DIAPH3: variants seen among roughly 807,000 people sequenced by gnomAD.
The protein encoded by DIAPH3 is diaphanous related formin 3.
Under a neutral mutation model 144.3 loss-of-function variants are expected in DIAPH3, and 117 were observed. The observed-to-expected ratio is 0.81, with a 90% CI of 0.70 to 0.95. DIAPH3 has a LOEUF of 0.95. Ranked by LOEUF, DIAPH3 falls within the 40% of genes least tolerant of loss-of-function variation. The probability of loss-of-function intolerance (pLI) is 0.00; values close to 1 mark genes in which losing one functional copy is unlikely to be tolerated. For missense variants in DIAPH3, 1,421 were observed against 1,412.7 expected, an observed-to-expected ratio of 1.01 and a Z score of -0.09; for synonymous variants, 519 against 488.9, an observed-to-expected ratio of 1.06 and a Z score of -0.81.
chr13:59,901,766 C>G (rs1450862299), intron 20 of DIAPH3, among the ~76,000 whole-genome samples: 1 of 152,098 alleles, frequency 6.6e-6, no homozygotes, highest in Non-Finnish European at 1.5e-5. Context: ...TACAGTCTAC[C>G]AATACAAACT....
At chr13:59,981,191 T>TA (rs768210316) in intron 13 of DIAPH3, among the ~76,000 whole-genome samples, 25 of 150,736 alleles carry the variant, frequency 1.7e-4, no homozygotes, top group Middle Eastern at 3.2e-3. Context: ...TAAACAAGCT[T>TA]AAAAAAAACA....
intron 17 of DIAPH3, among the ~76,000 whole-genome samples, chr13:59,960,409 A>C (rs1400027767): frequency 6.6e-6 from 1 of 152,194 alleles, no homozygotes; most frequent in Non-Finnish European, 1.5e-5. Flanking sequence ...AGGAGAAAAA[A>C]AGGAGTAATC....
chr13:59,815,212 C>A (rs2040703367), intron 24 of DIAPH3, among the ~76,000 whole-genome samples: 1 of 152,304 alleles, frequency 6.6e-6, no homozygotes, highest in Non-Finnish European at 1.5e-5. Context: ...TGTGTTGCTT[C>A]ATTTTATGGC....
intron 5 of DIAPH3, among the ~76,000 whole-genome samples, chr13:60,033,332 CT>C (rs949366728): frequency 5.3e-5 from 8 of 151,988 alleles, no homozygotes; most frequent in African/African-American, 1.9e-4. Flanking sequence ...ATGCCCCACT[CT>C]TTTTTTTACC....
chr13:60,052,787 C>A (rs2056398155), intron 4 of DIAPH3, among the ~76,000 whole-genome samples: 1 of 151,034 alleles, frequency 6.6e-6, no homozygotes, highest in Non-Finnish European at 1.5e-5. Flanking sequence ...ATAGTGAAAC[C>A]CCGTCTCTAC....
intron 18 of DIAPH3, 53 bp downstream of exon 18, chr13:59,924,722 A>T (rs1484713601): frequency 7.6e-6 from 12 of 1,571,774 alleles, no homozygotes; most frequent in Non-Finnish European, 1.0e-5. Context: ...AAATGAAATC[A>T]TTTAAAGAAA....
intron 17 of DIAPH3, among the ~76,000 whole-genome samples, chr13:59,951,884 C>T (rs2049115666): frequency 6.6e-6 from 1 of 152,056 alleles, no homozygotes; most frequent in East Asian, 1.9e-4. Context: ...CATAGAATTA[C>T]CAAATAATAC....
At chr13:59,938,249 T>A (rs2048354367) in intron 17 of DIAPH3, among the ~76,000 whole-genome samples, 1 of 152,160 alleles carries the variant, frequency 6.6e-6, no homozygotes, top group South Asian at 2.1e-4. Context: ...TCTGGGCTGT[T>A]AAAATTTGTA....
chr13:59,885,705 T>C (rs897915345), intron 20 of DIAPH3, among the ~76,000 whole-genome samples: 2 of 152,072 alleles, frequency 1.3e-5, no homozygotes, highest in Admixed American at 6.6e-5. Flanking sequence ...GAAACAGTTT[T>C]AGCATACGTA....
intron 1 of DIAPH3, 99 bp downstream of exon 1, chr13:60,163,488 G>A (rs2138507017): frequency 6.6e-7 from 1 of 1,511,584 alleles, no homozygotes; most frequent in Non-Finnish European, 9.0e-7. Flanking sequence ...TGGATCTCTA[G>A]AATAAAACTT....
chr13:59,775,356 C>T (rs2038353071), intron 25 of DIAPH3, among the ~76,000 whole-genome samples: 1 of 152,116 alleles, frequency 6.6e-6, no homozygotes, highest in African/African-American at 2.4e-5. Flanking sequence ...CATCCTCCTG[C>T]CTCAGCCTCC....
intron 4 of DIAPH3, among the ~76,000 whole-genome samples, chr13:60,056,655 G>A (rs182094084): frequency 1.6e-4 from 24 of 151,840 alleles, no homozygotes; most frequent in Middle Eastern, 3.4e-3. Flanking sequence ...TCCAAGGCTG[G>A]GTGTAGAATA....
rs572570248 is a variant in DIAPH3 at position 59,762,117 on chromosome 13, G to C, written c.3319+12072C>G. On this transcript the variant is annotated intron_variant, in intron 27 of 27. Coordinates refer to ENST00000400324, the MANE Select transcript of DIAPH3 (RefSeq NM_001042517.2). ...CTCTGTTGCCAGGCTGAAGTGCAGTGGCGCGATCTCAACTCACTGCAACCT... is the reference window on the plus strand; with the variant it reads ...CTCTGTTGCCAGGCTGAAGTGCAGTCGCGCGATCTCAACTCACTGCAACCT... Among the ~76,000 whole-genome samples, 11 of 142,752 alleles carry C rather than the reference G, an allele frequency of 7.7e-5. No homozygotes were observed. The South Asian group carries it at 1.6e-3, about 21-fold the overall frequency. 93.7% of individuals were successfully genotyped at this position (142,752 alleles called of 152,430 possible). A position where few individuals can be genotyped will look rare whatever the true frequency, so the allele number is the denominator to read the frequency against.
At chr13:59,932,303 A>C (rs1566536031) in intron 17 of DIAPH3, among the ~76,000 whole-genome samples, 1 of 152,180 alleles carries the variant, frequency 6.6e-6, no homozygotes, top group Non-Finnish European at 1.5e-5. Context: ...AATCACATTT[A>C]CTGAACCCCT....
At chr13:59,897,275 C>T (rs994004835) in intron 20 of DIAPH3, among the ~76,000 whole-genome samples, 11 of 152,076 alleles carry the variant, frequency 7.2e-5, no homozygotes, top group African/African-American at 2.7e-4. Context: ...AGGTCAAGAC[C>T]ACACAAAATG....
At chr13:59,895,279 A>G (rs1239334486) in intron 20 of DIAPH3, among the ~76,000 whole-genome samples, 3 of 152,116 alleles carry the variant, frequency 2.0e-5, no homozygotes, top group African/African-American at 7.2e-5. Flanking sequence ...TAAACGGGAA[A>G]AAATCACTTT....
rs761912498 is a variant in DIAPH3, at chr13:60,016,159, A to G, written c.627-14T>C. The G allele has an allele frequency of 3.2e-5, 52 of 1,612,558 alleles. No individual in the cohort carries two copies. The Middle Eastern group carries it at 8.2e-4, about 25-fold the overall frequency. On this transcript the variant is annotated splice_polypyrimidine_tract_variant and intron_variant, in intron 5 of 27. Transcript: ENST00000400324. ...CTTTCCACCCAACTGAAAAACAGAAAAAAGACAGTTACACATTGTCAGTAA... is the reference window on the plus strand; with the variant it reads ...CTTTCCACCCAACTGAAAAACAGAAGAAAGACAGTTACACATTGTCAGTAA...
chr13:59,976,411 C>T (rs2050682802), intron 14 of DIAPH3, among the ~76,000 whole-genome samples: 2 of 151,942 alleles, frequency 1.3e-5, no homozygotes, highest in South Asian at 2.1e-4. Flanking sequence ...TTCAGTTCCT[C>T]GGTCACACCA....
intron 1 of DIAPH3, among the ~76,000 whole-genome samples, chr13:60,148,502 A>G (rs926996214): frequency 2.6e-5 from 4 of 152,232 alleles, no homozygotes. Flanking sequence ...TCATTTCAGA[A>G]AGCACTAATC....
Sources: allele counts gnomAD v4.1 joint callset (sites outside exome capture counted in the v4.1 genomes callset), GRCh38; gene constraint gnomAD v4.1.1; transcripts MANE v1.5; gene names NCBI Gene and HGNC (gene_info 2026-07-23, HGNC 2026-07-21).